HS2ST1: variants seen among roughly 807,000 people sequenced by gnomAD.
HS2ST1 encodes heparan sulfate 2-O-sulfotransferase 1.
Under a neutral mutation model 42.9 loss-of-function variants are expected in HS2ST1, and 18 were observed. The observed-to-expected ratio is 0.42, with a 90% CI of 0.29 to 0.62. The LOEUF is 0.62. Among genes scored for constraint, HS2ST1 ranks in the 20% least tolerant of loss-of-function variants. HS2ST1 has a pLI of 0.21. For missense variants in HS2ST1, 334 were observed against 433.8 expected (o/e 0.77, Z 2.04); for synonymous variants, 146 against 152.9 (o/e 0.95, Z 0.33).
chr1:87,018,542 T>A (rs1649830489), intron 1 of HS2ST1, among the ~76,000 whole-genome samples: 1 of 152,126 alleles, frequency 6.6e-6, no homozygotes, highest in Non-Finnish European at 1.5e-5. Flanking sequence ...AGCCAACATC[T>A]TCTGGGTGGT....
At chr1:87,061,812 A>C (rs892324175) in intron 1 of HS2ST1, among the ~76,000 whole-genome samples, 2 of 152,038 alleles carry the variant, frequency 1.3e-5, no homozygotes, top group African/African-American at 4.8e-5. Context: ...GAAACTGCCA[A>C]ACTGTTTTTC....
At position 87,073,142 on chromosome 1, in the gene HS2ST1, A is replaced by G. The variant is rs1651459171; in HGVS notation, c.333A>G (p.Lys111=). Residue 111 remains lysine (K), a synonymous_variant, in exon 2 of 7, where the codon AAA becomes AAG. Coordinates refer to ENST00000370550, the MANE Select transcript of HS2ST1 (RefSeq NM_012262.4). ...KYHVLHINTT[K]NNPVMSLQDQ... Reference sequence around the variant, plus strand: ...ATGTCCTTCATATCAACACTACCAAAAATAATCCAGTGATGTCATTGCAAG... The same window carrying G: ...ATGTCCTTCATATCAACACTACCAAGAATAATCCAGTGATGTCATTGCAAG... 1 of 1,611,942 alleles carries G rather than the reference A, an allele frequency of 6.2e-7. No individual in the cohort carries two copies. The highest frequency in any genetic ancestry group is 2.2e-5 in the East Asian group (1 of 44,872).
rs1481588754 is a variant in HS2ST1, at chr1:87,106,209, T to C, written c.*1513T>C. On this transcript the variant is annotated 3_prime_UTR_variant, in exon 7 of 7. Coordinates refer to ENST00000370550, the MANE Select transcript of HS2ST1 (RefSeq NM_012262.4). Reference sequence around the variant, plus strand: ...GAAAAAGTTAATCTTGATATAAATTTGTGTTTGATAAATATCCTCTCAGTG... The same window carrying C: ...GAAAAAGTTAATCTTGATATAAATTCGTGTTTGATAAATATCCTCTCAGTG... 1 of 152,514 alleles carries C rather than the reference T, an allele frequency of 6.6e-6. No individual in the cohort carries two copies. The highest frequency in any genetic ancestry group is 1.5e-5 in the Non-Finnish European group (1 of 67,954). 9.4% of individuals were successfully genotyped at this position (152,514 alleles called of 1,614,324 possible).
At chr1:86,996,976 A>G (rs1195717702) in intron 1 of HS2ST1, among the ~76,000 whole-genome samples, 1 of 152,080 alleles carries the variant, frequency 6.6e-6, no homozygotes, top group East Asian at 1.9e-4. Flanking sequence ...ATATATATAT[A>G]CAACAGCTAT....
intron 1 of HS2ST1, among the ~76,000 whole-genome samples, chr1:86,932,698 TAAG>T (rs561066790): frequency 5.9e-5 from 9 of 152,188 alleles, no homozygotes; most frequent in African/African-American, 1.9e-4. Flanking sequence ...GTGTCAGAAA[TAAG>T]AAGTGGGATC....
intron 5 of HS2ST1, among the ~76,000 whole-genome samples, chr1:87,101,476 C>G (rs1053695772): frequency 6.6e-6 from 1 of 152,002 alleles, no homozygotes; most frequent in South Asian, 2.1e-4. Flanking sequence ...AGTCATCACT[C>G]TAAGTTCAAA....
chr1:87,070,482 T>A (rs1651375197), intron 1 of HS2ST1, among the ~76,000 whole-genome samples: 2 of 151,974 alleles, frequency 1.3e-5, no homozygotes, highest in South Asian at 4.2e-4. Context: ...TCCCAGCTAC[T>A]TGGGAGGCTG....
chr1:87,039,851 A>T (rs1187249253), intron 1 of HS2ST1, among the ~76,000 whole-genome samples: 1 of 152,084 alleles, frequency 6.6e-6, no homozygotes. Flanking sequence ...CGCTCAAGAG[A>T]TGGTAGCTGA....
rs1267524560 is a variant in HS2ST1, at chr1:87,073,026, G to C, written c.217G>C (p.Asp73His). ...AGATGCCACTTTAGATGAGGAAGAGGACATGGTGATCATTTATAACAGAGT... is the reference window on the plus strand; with the variant it reads ...AGATGCCACTTTAGATGAGGAAGAGCACATGGTGATCATTTATAACAGAGT... ...RQDATLDEEE[D>H]MVIIYNRVPK... The change falls in exon 2 of 7, where the codon GAC becomes CAC. Residue 73 changes from aspartate (D) to histidine (H), a missense_variant. Physicochemically the swap from Asp to His is moderately conservative, Grantham distance 81. Coordinates refer to ENST00000370550, the MANE Select transcript of HS2ST1 (RefSeq NM_012262.4). 2 of 1,613,912 alleles carry C rather than the reference G, an allele frequency of 1.2e-6. No individual in the cohort carries two copies. Among genetic ancestry groups the C allele is most frequent in the Non-Finnish European group, 1.7e-6 (2 of 1,179,980 alleles).
chr1:86,953,970 T>G (rs1355316106), intron 1 of HS2ST1, among the ~76,000 whole-genome samples: 1 of 150,018 alleles, frequency 6.7e-6, no homozygotes, highest in Non-Finnish European at 1.5e-5. Flanking sequence ...AAGTTCACTG[T>G]TTTATGTGGG....
chr1:87,040,990 A>C (rs548596847), intron 1 of HS2ST1, among the ~76,000 whole-genome samples: 1 of 152,262 alleles, frequency 6.6e-6, no homozygotes, highest in South Asian at 2.1e-4. Flanking sequence ...TGATGTCAAT[A>C]ACCACTAAGC....
intron 1 of HS2ST1, among the ~76,000 whole-genome samples, chr1:86,988,551 G>A (rs1225801575): frequency 1.3e-5 from 2 of 152,156 alleles, no homozygotes; most frequent in African/African-American, 2.4e-5. Context: ...ATGTTGGTTC[G>A]AGCTCGAGAA....
chr1:87,050,795 T>C (rs1203475649), intron 1 of HS2ST1, among the ~76,000 whole-genome samples: 1 of 152,146 alleles, frequency 6.6e-6, no homozygotes, highest in Non-Finnish European at 1.5e-5. Flanking sequence ...CTGACCACTT[T>C]AATCTCTGAC....
intron 1 of HS2ST1, among the ~76,000 whole-genome samples, chr1:86,972,572 T>C (rs1272994312): frequency 1.3e-5 from 2 of 152,190 alleles, no homozygotes; most frequent in African/African-American, 4.8e-5. Flanking sequence ...TTAAACTTAA[T>C]CATAGGTATG....
intron 1 of HS2ST1, among the ~76,000 whole-genome samples, chr1:86,952,399 G>A (rs768704739): frequency 2.0e-5 from 3 of 151,950 alleles, no homozygotes; most frequent in Non-Finnish European, 2.9e-5. Context: ...CACCACGCCC[G>A]GCAAATTTTT....
intron 1 of HS2ST1, among the ~76,000 whole-genome samples, chr1:87,042,639 C>T (rs563667410): frequency 1.3e-5 from 2 of 152,174 alleles, no homozygotes; most frequent in African/African-American, 4.8e-5. Context: ...CGAGGCATAA[C>T]TAAACATAAA....
intron 1 of HS2ST1, among the ~76,000 whole-genome samples, chr1:87,044,134 T>C (rs36073740): frequency 1.8e-3 from 276 of 152,232 alleles, no homozygotes; most frequent in Middle Eastern, 3.4e-3. Flanking sequence ...ATTTTTGTTA[T>C]GTAGATCTAG....
intron 1 of HS2ST1, among the ~76,000 whole-genome samples, chr1:87,059,472 A>G (rs1651063907): frequency 6.6e-6 from 1 of 152,208 alleles, no homozygotes. Context: ...GGAACAGTTC[A>G]CTTGAGAAAT....
chr1:86,995,400 T>C (rs1221035563), intron 1 of HS2ST1, among the ~76,000 whole-genome samples: 1 of 152,188 alleles, frequency 6.6e-6, no homozygotes, highest in African/African-American at 2.4e-5. Flanking sequence ...CTCTGTGATA[T>C]TAGAAAACTC....
Sources: allele counts gnomAD v4.1 joint callset (sites outside exome capture counted in the v4.1 genomes callset), GRCh38; gene constraint gnomAD v4.1.1; transcripts MANE v1.5; gene names NCBI Gene and HGNC (gene_info 2026-07-23, HGNC 2026-07-21).